The following RPS6KC1 variants were observed in gnomAD, a reference collection of about 807,000 sequenced individuals.
RPS6KC1 encodes ribosomal protein S6 kinase C1.
Under a neutral mutation model 103.8 loss-of-function variants are expected in RPS6KC1, and 54 were observed. The observed-to-expected ratio is 0.52, with a 90% CI of 0.42 to 0.65. The LOEUF is 0.65. RPS6KC1 is among the 30% of genes least tolerant of loss of function. RPS6KC1 has a pLI of 0.00. For missense variants in RPS6KC1, 1,151 were observed against 1,253.8 expected (o/e 0.92, Z 1.24); for synonymous variants, 439 against 438.7 (o/e 1.00, Z -0.01).
At chr1:213,563,514 T>G in the RPS6KC1 span, among the ~76,000 whole-genome samples, 1 of 33,858 alleles carries the variant, frequency 3.0e-5, no homozygotes. Context: ...TGGTTAAACT[T>G]TTTTTCTTTT....
At chr1:213,321,250 T>C in the RPS6KC1 span, among the ~76,000 whole-genome samples, 1 of 152,212 alleles carries the variant, frequency 6.6e-6, no homozygotes, top group Non-Finnish European at 1.5e-5. Flanking sequence ...TCTGGGTAGA[T>C]AGTTTCTTCC....
chr1:213,352,420 T>A, the RPS6KC1 span, among the ~76,000 whole-genome samples: 1 of 152,198 alleles, frequency 6.6e-6, no homozygotes, highest in Non-Finnish European at 1.5e-5. Context: ...TGCTTTAAAA[T>A]TTATCCTCTA....
At chr1:213,567,238 CT>C in the RPS6KC1 span, among the ~76,000 whole-genome samples, 11 of 152,074 alleles carry the variant, frequency 7.2e-5, no homozygotes, top group African/African-American at 2.4e-4. Flanking sequence ...GACGGCTAAG[CT>C]TTTTGATCAT....
the RPS6KC1 span, among the ~76,000 whole-genome samples, chr1:213,620,686 T>C: frequency 6.6e-6 from 1 of 152,232 alleles, no homozygotes; most frequent in African/African-American, 2.4e-5. Context: ...TCAATAACCC[T>C]GACATAGTTG....
intron 8 of RPS6KC1, among the ~76,000 whole-genome samples, chr1:213,224,470 AGT>A (rs2093913236): frequency 6.6e-6 from 1 of 152,208 alleles, no homozygotes; most frequent in African/African-American, 2.4e-5. Flanking sequence ...AGGGCTGATA[AGT>A]AAGTGTGAAA....
At chr1:213,081,447 T>C (rs1207794605) in intron 3 of RPS6KC1, among the ~76,000 whole-genome samples, 1 of 152,066 alleles carries the variant, frequency 6.6e-6, no homozygotes, top group Non-Finnish European at 1.5e-5. Flanking sequence ...TCCATTCCCG[T>C]GATCCAAACA....
At chr1:213,686,277 A>G in the RPS6KC1 span, among the ~76,000 whole-genome samples, 1 of 152,198 alleles carries the variant, frequency 6.6e-6, no homozygotes, top group Non-Finnish European at 1.5e-5. Flanking sequence ...CATTTGGAGA[A>G]TGCGTGGTGG....
At chr1:213,416,899 G>A in the RPS6KC1 span, among the ~76,000 whole-genome samples, 2 of 152,116 alleles carry the variant, frequency 1.3e-5, no homozygotes, top group Non-Finnish European at 2.9e-5. Context: ...ACCTCCCCTG[G>A]CTTATGTTCT....
the RPS6KC1 span, among the ~76,000 whole-genome samples, chr1:213,739,126 C>A: frequency 6.6e-6 from 1 of 152,094 alleles, no homozygotes; most frequent in Non-Finnish European, 1.5e-5. Flanking sequence ...ATAGCAAGAC[C>A]AGTCCTTCCT....
chr1:213,459,942 G>C, the RPS6KC1 span, among the ~76,000 whole-genome samples: 2 of 152,172 alleles, frequency 1.3e-5, no homozygotes, highest in Non-Finnish European at 2.9e-5. Context: ...TTGCACTGTG[G>C]TCTGAGAGAC....
chr1:213,746,144 G>C, the RPS6KC1 span, among the ~76,000 whole-genome samples: 13 of 152,256 alleles, frequency 8.5e-5, no homozygotes, highest in African/African-American at 3.1e-4. Context: ...GCAATAAAAA[G>C]AATAAACAGC....
the RPS6KC1 span, among the ~76,000 whole-genome samples, chr1:213,753,888 T>C: frequency 6.6e-6 from 1 of 152,212 alleles, no homozygotes; most frequent in Non-Finnish European, 1.5e-5. Context: ...CTTGCTGTGA[T>C]GTGCCAGTTG....
the RPS6KC1 span, among the ~76,000 whole-genome samples, chr1:213,416,868 C>T: frequency 0.018 from 2,706 of 152,232 alleles, 95 homozygotes; most frequent in African/African-American, 0.061. Context: ...ATGGTTTGAG[C>T]CTCTCCTCTC....
the RPS6KC1 span, among the ~76,000 whole-genome samples, chr1:213,589,644 A>C: frequency 4.5e-5 from 1 of 22,396 alleles, no homozygotes; most frequent in African/African-American, 8.2e-5. Context: ...CTCTGTTTCA[A>C]AAAAAAAAAA....
intron 12 of RPS6KC1, among the ~76,000 whole-genome samples, chr1:213,247,759 C>T (rs2094476188): frequency 6.6e-6 from 1 of 152,106 alleles, no homozygotes; most frequent in African/African-American, 2.4e-5. Flanking sequence ...CTGACATCCT[C>T]CTTACACAAA....
chr1:213,412,150 T>A, the RPS6KC1 span, among the ~76,000 whole-genome samples: 1 of 152,210 alleles, frequency 6.6e-6, no homozygotes, highest in Non-Finnish European at 1.5e-5. Flanking sequence ...TGATTCCTGC[T>A]GAGACCACTA....
the RPS6KC1 span, among the ~76,000 whole-genome samples, chr1:213,297,574 T>G: frequency 6.6e-6 from 1 of 152,144 alleles, no homozygotes; most frequent in South Asian, 2.1e-4. Context: ...AATAAGTAAT[T>G]TAAGTGTAAG....
chr1:213,420,482 A>C, the RPS6KC1 span, among the ~76,000 whole-genome samples: 1 of 152,230 alleles, frequency 6.6e-6, no homozygotes, highest in Admixed American at 6.5e-5. Context: ...CAATGCTTAC[A>C]GACAAGACAA....
chr1:213,369,250 T>A, the RPS6KC1 span, among the ~76,000 whole-genome samples: 2 of 152,328 alleles, frequency 1.3e-5, no homozygotes, highest in East Asian at 1.9e-4. Flanking sequence ...TCTCATACCT[T>A]CCTGCACCTT....
Sources: gnomAD v4.1 joint callset for allele counts (sites outside exome capture counted in the v4.1 genomes callset) on GRCh38, gnomAD v4.1.1 for gene constraint, MANE v1.5 for transcripts, NCBI Gene and HGNC (gene_info 2026-07-23, HGNC 2026-07-21) for gene names.